The following CSE1L variants were observed in gnomAD, a reference collection of about 807,000 sequenced individuals.
The protein encoded by CSE1L is exportin-2.
CSE1L carries 24 observed loss-of-function variants against 120.4 expected under a neutral mutation model. The ratio of observed to expected loss-of-function variants is 0.20; its 90% CI spans 0.14 to 0.28. The LOEUF (loss-of-function observed/expected upper bound fraction) is 0.28, where lower values mean the gene tolerates loss of function less well. Ranked by LOEUF, CSE1L falls within the 10% of genes least tolerant of loss-of-function variation. The probability of loss-of-function intolerance (pLI) is 1.00; values close to 1 mark genes in which losing one functional copy is unlikely to be tolerated. For missense variants in CSE1L, 830 were observed against 1,145.2 expected (o/e 0.72, Z 3.97); for synonymous variants, 402 against 398.3 (o/e 1.01, Z -0.11).
intron 24 of CSE1L, among the ~76,000 whole-genome samples, chr20:49,095,784 T>G (rs2092134924): frequency 1.3e-5 from 2 of 152,088 alleles, no homozygotes; most frequent in African/African-American, 4.8e-5. Context: ...TTCTAGTGCT[T>G]TGGGAGGCCA....
intron 11 of CSE1L, 100 bp from the exon 12 acceptor site, chr20:49,075,218 G>T: frequency 2.1e-6 from 2 of 962,904 alleles, no homozygotes; most frequent in South Asian, 1.7e-5. Flanking sequence ...TTTTACAATC[G>T]TAGCCAAATT....
chr20:49,066,166 T>C, intron 3 of CSE1L, 26 bp from the exon 4 acceptor site: 1 of 1,586,738 alleles, frequency 6.3e-7, no homozygotes, highest in Non-Finnish European at 8.6e-7. Context: ...TTTGTGTTAC[T>C]TCCTCAGTTA....
intron 1 of CSE1L, among the ~76,000 whole-genome samples, chr20:49,050,200 T>TTTTTATTTTA (rs563854131): frequency 0.12 from 17,155 of 146,478 alleles, 1,499 homozygotes; most frequent in East Asian, 0.34. Context: ...TATTTATTTA[T>TTTTTATTTTA]TTTTATTTTA....
At chr20:49,083,507 G>A (rs2092030258) in intron 14 of CSE1L, among the ~76,000 whole-genome samples, 1 of 152,068 alleles carries the variant, frequency 6.6e-6, no homozygotes, top group African/African-American at 2.4e-5. Context: ...TTAAGCAATT[G>A]TTCTACCTTG....
At chr20:49,065,312 A>ATTTTTTTTTTTTTTTTTTTTT (rs1568769017) in intron 3 of CSE1L, among the ~76,000 whole-genome samples, 10 of 79,396 alleles carry the variant, frequency 1.3e-4, no homozygotes, top group East Asian at 7.3e-4. Context: ...ATGAAAAAAA[A>ATTTTTTTTTTTTTTTTTTTTT]ATTTTTTTTT....
At chr20:49,095,115 CACTG>C in intron 24 of CSE1L, 152 bp downstream of exon 24, 1 of 704,234 alleles carries the variant, frequency 1.4e-6, no homozygotes, top group Non-Finnish European at 2.5e-6. Context: ...TAATTAAAAA[CACTG>C]AGCCCTTTTT....
In CSE1L at chr20:49,056,575, C is replaced by T. The variant is rs557924343; in HGVS notation, c.-11-1878C>T. On this transcript the variant is annotated intron_variant, in intron 1 of 24. Transcript: ENST00000262982. ...TCCCTCAGTTTGCACCTAATTTTAT[C>T]GTCTCACCAACAAGTTGGAGACCAT... is the stretch of plus-strand genomic sequence containing the variant. Among the ~76,000 whole-genome samples, 46 of 152,206 alleles carry T rather than the reference C, an allele frequency of 3.0e-4. No homozygotes were observed. The South Asian group carries it at 6.2e-3, about 21-fold the overall frequency.
In CSE1L at chr20:49,088,001, T is replaced by C. The variant is rs1355597608; in HGVS notation, c.1724-8T>C. The stretch of plus-strand genomic sequence containing the variant: ...TCTATTTGTTTTTGCTGTTTTTGTA[T>C]TTTACAGCTATCATGAGAAGTTTTT... On this transcript the variant is annotated splice_polypyrimidine_tract_variant and splice_region_variant and intron_variant, in intron 16 of 24. Transcript: ENST00000262982. The C allele has an allele frequency of 6.4e-7, 1 of 1,573,294 alleles. No homozygotes were observed. Among genetic ancestry groups the C allele is most frequent in the South Asian group, 1.2e-5 (1 of 86,940 alleles).
rs566279731 is a variant in CSE1L, at chr20:49,069,563, G to T, written c.676-642G>T. Among the ~76,000 whole-genome samples, 10 of 152,084 alleles carry T rather than the reference G, an allele frequency of 6.6e-5. No homozygotes were observed. In the South Asian group the frequency reaches 1.9e-3, roughly 28 times the overall value. On this transcript the variant is annotated intron_variant, in intron 7 of 24. Coordinates refer to ENST00000262982, the MANE Select transcript of CSE1L (RefSeq NM_001316.4). ...AAAGCATTCCCCAAAAGGAAATTGG[G>T]TTGTTTTAGCTAGAATAGGAGATGA...
intron 1 of CSE1L, among the ~76,000 whole-genome samples, chr20:49,048,741 G>A (rs2091741813): frequency 6.6e-6 from 1 of 152,184 alleles, no homozygotes; most frequent in Non-Finnish European, 1.5e-5. Flanking sequence ...TAAGGAGTTT[G>A]GATTTGATTC....
intron 1 of CSE1L, among the ~76,000 whole-genome samples, chr20:49,049,463 G>T (rs967490882): frequency 1.3e-5 from 2 of 152,078 alleles, no homozygotes; most frequent in African/African-American, 4.8e-5. Context: ...TTACAGGCAT[G>T]AGCCACCCTA....
At chr20:49,050,518 T>G (rs2091758631) in intron 1 of CSE1L, among the ~76,000 whole-genome samples, 1 of 150,636 alleles carries the variant, frequency 6.6e-6, no homozygotes, top group African/African-American at 2.4e-5. Context: ...TTCTCCTGTC[T>G]CAGCCTCCTG....
chr20:49,079,227 A>T (rs977180499), intron 14 of CSE1L, among the ~76,000 whole-genome samples: 77 of 148,124 alleles, frequency 5.2e-4, no homozygotes, highest in African/African-American at 1.7e-3. Flanking sequence ...ATTTAAAAAA[A>T]ATTTTTTTTT....
intron 1 of CSE1L, among the ~76,000 whole-genome samples, chr20:49,049,130 TG>T (rs2091744651): frequency 6.6e-6 from 1 of 152,220 alleles, no homozygotes; most frequent in African/African-American, 2.4e-5. Flanking sequence ...GTTTCTTAAT[TG>T]TGTATTGGTA....
intron 12 of CSE1L, among the ~76,000 whole-genome samples, chr20:49,075,758 A>G (rs1370594262): frequency 6.6e-6 from 1 of 152,212 alleles, no homozygotes; most frequent in African/African-American, 2.4e-5. Context: ...CCGCTGTATC[A>G]AATATGCTTA....
At chr20:49,093,293 A>G (rs2092115065) in intron 22 of CSE1L, among the ~76,000 whole-genome samples, 1 of 152,136 alleles carries the variant, frequency 6.6e-6, no homozygotes, top group Non-Finnish European at 1.5e-5. Context: ...GAATTGCCAT[A>G]CCCTTTGAGC....
intron 17 of CSE1L, 106 bp from the exon 18 acceptor site, chr20:49,089,141 C>G (rs1235691465): frequency 1.9e-6 from 2 of 1,032,844 alleles, no homozygotes; most frequent in Non-Finnish European, 2.6e-6. Context: ...GTGTTTTTTT[C>G]TTAATTTTGA....
intron 17 of CSE1L, 103 bp from the exon 18 acceptor site, chr20:49,089,144 A>AAAAAAC (rs1337596718): frequency 9.4e-7 from 1 of 1,063,212 alleles, no homozygotes; most frequent in Non-Finnish European, 1.3e-6. Context: ...TTTTTTTCTT[A>AAAAAAC]ATTTTGATTT....
Position 49,096,509 on chromosome 20 carries a change from T to C in CSE1L, c.*71T>C. 1 of 1,160,584 alleles carries C rather than the reference T, an allele frequency of 8.6e-7. No individual in the cohort carries two copies. Among genetic ancestry groups the C allele is most frequent in the Non-Finnish European group, 1.3e-6 (1 of 774,226 alleles). 71.9% of individuals were successfully genotyped at this position (1,160,584 alleles called of 1,614,324 possible). ...TCACAGGCTTCTGAGCACAGCTGCATTAAAACAAAGGAAGTTCTCCTTTTG... is the reference window on the plus strand; with the variant it reads ...TCACAGGCTTCTGAGCACAGCTGCACTAAAACAAAGGAAGTTCTCCTTTTG... On this transcript the variant is annotated 3_prime_UTR_variant, in exon 25 of 25. Transcript: ENST00000262982.
Sources: gnomAD v4.1 joint callset for allele counts (sites outside exome capture counted in the v4.1 genomes callset) on GRCh38, gnomAD v4.1.1 for gene constraint, MANE v1.5 for transcripts, NCBI Gene and HGNC (gene_info 2026-07-23, HGNC 2026-07-21) for gene names.